The following ZNF423 variants were observed in gnomAD, a reference collection of about 807,000 sequenced individuals.
The protein encoded by ZNF423 is Ebf-associated zinc finger protein.
ZNF423 carries 12 observed loss-of-function variants against 95.8 expected under a neutral mutation model. The observed-to-expected ratio is 0.13, with a 90% confidence interval of 0.08 to 0.20. The LOEUF (loss-of-function observed/expected upper bound fraction) is 0.20, where lower values mean the gene tolerates loss of function less well. Among genes scored for constraint, ZNF423 ranks in the 10% least tolerant of loss-of-function variants. The pLI is 1.00. For missense variants in ZNF423, 1,316 were observed against 1,737.1 expected (o/e 0.76, Z 4.31); for synonymous variants, 749 against 711.9 (o/e 1.05, Z -0.83).
intron 5 of ZNF423, among the ~76,000 whole-genome samples, chr16:49,527,199 TG>T (rs1338644720): frequency 1.3e-5 from 2 of 152,030 alleles, no homozygotes; most frequent in African/African-American, 4.8e-5. Flanking sequence ...CAGGTGGGTC[TG>T]CCCCACATAG....
intron 3 of ZNF423, among the ~76,000 whole-genome samples, chr16:49,665,395 C>A (rs2030487365): frequency 6.6e-6 from 1 of 152,124 alleles, no homozygotes; most frequent in South Asian, 2.1e-4. Flanking sequence ...AACATTTGAT[C>A]CCCTGTGTTT....
intron 2 of ZNF423, among the ~76,000 whole-genome samples, chr16:49,733,000 C>T (rs925405973): frequency 6.6e-5 from 10 of 152,170 alleles, no homozygotes; most frequent in Non-Finnish European, 1.0e-4. Flanking sequence ...TATCAGAACG[C>T]GCCAACTCCT....
At chr16:49,708,339 T>C (rs1275210224) in intron 3 of ZNF423, 7 of 152,028 alleles carry the variant, frequency 4.6e-5, no homozygotes, top group Non-Finnish European at 8.8e-5. Context: ...TCTGCCCCCC[T>C]GGCTAGAGTG....
intron 1 of ZNF423, among the ~76,000 whole-genome samples, chr16:49,792,691 G>C (rs936792047): frequency 2.0e-5 from 3 of 152,192 alleles, no homozygotes; most frequent in African/African-American, 7.2e-5. Flanking sequence ...TTTGAAGGTA[G>C]AAGCACACCT....
chr16:49,516,467 T>G (rs1467477699), intron 7 of ZNF423, among the ~76,000 whole-genome samples: 1 of 152,166 alleles, frequency 6.6e-6, no homozygotes, highest in African/African-American at 2.4e-5. Flanking sequence ...GCAACTGAAC[T>G]CTTAAGTAGG....
At chr16:49,845,164 G>C (rs1049726099) in intron 1 of ZNF423, among the ~76,000 whole-genome samples, 2 of 151,822 alleles carry the variant, frequency 1.3e-5, no homozygotes, top group South Asian at 2.1e-4. Flanking sequence ...TTTTAAGATG[G>C]AGTCTTGCTC....
At chr16:49,705,957 C>T (rs560219175) in intron 3 of ZNF423, among the ~76,000 whole-genome samples, 21 of 152,230 alleles carry the variant, frequency 1.4e-4, no homozygotes, top group South Asian at 4.2e-4. Context: ...GGCACGTGGA[C>T]GACCATCTGT....
At chr16:49,745,300 T>A (rs888264731) in intron 2 of ZNF423, among the ~76,000 whole-genome samples, 2 of 152,240 alleles carry the variant, frequency 1.3e-5, no homozygotes, top group African/African-American at 4.8e-5. Context: ...AAAACACTTA[T>A]GTTACTAAAG....
In ZNF423 at chr16:49,523,174, C is replaced by T. The variant is rs914244350; in HGVS notation, c.3849+450G>A. The stretch of plus-strand genomic sequence containing the variant: ...CCTCTAAGCTGGGGCAATCGGGCAC[C>T]ACTACTCTTCTTTTCTGGCTTTTAT... On this transcript the variant is annotated intron_variant, in intron 7 of 7. Coordinates refer to ENST00000563137, the MANE Select transcript of ZNF423 (RefSeq NM_001379286.1). Among the ~76,000 whole-genome samples the T allele has an allele frequency of 2.6e-5, 4 of 152,186 alleles. No homozygotes were observed. In the East Asian group the frequency reaches 7.7e-4, roughly 29 times the overall value.
At chr16:49,769,327 C>G (rs2033988281) in intron 2 of ZNF423, among the ~76,000 whole-genome samples, 1 of 150,040 alleles carries the variant, frequency 6.7e-6, no homozygotes, top group South Asian at 2.1e-4. Flanking sequence ...TGCACTCCAG[C>G]CTGGGCAACA....
Position 49,565,936 on chromosome 16 carries a change from G to A in ZNF423, c.3602-40442C>T, listed in dbSNP as rs528763848. On this transcript the variant is annotated intron_variant, in intron 5 of 7. Coordinates refer to ENST00000563137, the MANE Select transcript of ZNF423 (RefSeq NM_001379286.1). ...GAAGGGAGGGGAGAGAAAGGGAGGG[G>A]AGGGGTGATAGGAACAAGGTGGGTG... Among the ~76,000 whole-genome samples the A allele has an allele frequency of 1.2e-4, 18 of 151,666 alleles. No homozygotes were observed. In the South Asian group the frequency reaches 3.8e-3, roughly 32 times the overall value.
intron 3 of ZNF423, among the ~76,000 whole-genome samples, chr16:49,647,772 C>G (rs1973234118): frequency 6.6e-6 from 1 of 152,226 alleles, no homozygotes; most frequent in Admixed American, 6.5e-5. Context: ...AGACTTCTGA[C>G]CTACAGAACT....
chr16:49,551,923 C>A (rs528847794), intron 5 of ZNF423, among the ~76,000 whole-genome samples: 1,882 of 152,344 alleles, frequency 0.012, 43 homozygotes, highest in African/African-American at 0.041. Flanking sequence ...TACCATCTTC[C>A]AACTCAAATC....
intron 3 of ZNF423, among the ~76,000 whole-genome samples, chr16:49,676,996 T>C (rs543349403): frequency 6.6e-6 from 1 of 151,620 alleles, no homozygotes; most frequent in Admixed American, 6.6e-5. Flanking sequence ...GGTGGGCGGA[T>C]CACCTGAGGT....
chr16:49,815,910 ATATATTTTT>A (rs2034845277), intron 1 of ZNF423, among the ~76,000 whole-genome samples: 4 of 40,540 alleles, frequency 9.9e-5, no homozygotes, highest in African/African-American at 3.1e-4. Context: ...ATATATATAT[ATATATTTTT>A]TTTTTTTTTT....
intron 3 of ZNF423, among the ~76,000 whole-genome samples, chr16:49,677,248 T>TAAGAGAAGAGAAGAG (rs1377639641): frequency 2.9e-5 from 2 of 68,618 alleles, no homozygotes; most frequent in African/African-American, 1.3e-4. Flanking sequence ...GAAGAGAAGA[T>TAAGAGAAGAGAAGAG]AAGAGAAGAG....
chr16:49,833,112 C>G (rs1240149119), intron 1 of ZNF423, among the ~76,000 whole-genome samples: 1 of 152,230 alleles, frequency 6.6e-6, no homozygotes, highest in African/African-American at 2.4e-5. Context: ...GGCCTGGCCC[C>G]TCATGGGACC....
chr16:49,739,984 G>A (rs565243861), intron 2 of ZNF423, among the ~76,000 whole-genome samples: 11 of 151,930 alleles, frequency 7.2e-5, no homozygotes, highest in African/African-American at 1.9e-4. Context: ...TCAGCCTCCC[G>A]AGTAGCTGGG....
intron 5 of ZNF423, among the ~76,000 whole-genome samples, chr16:49,534,862 G>A (rs1188524655): frequency 6.6e-6 from 1 of 152,094 alleles, no homozygotes; most frequent in Non-Finnish European, 1.5e-5. Context: ...GGCGAAACTC[G>A]TGTCCAGATT....
Sources: gnomAD v4.1 joint callset for allele counts (sites outside exome capture counted in the v4.1 genomes callset) on GRCh38, gnomAD v4.1.1 for gene constraint, MANE v1.5 for transcripts, NCBI Gene and HGNC (gene_info 2026-07-23, HGNC 2026-07-21) for gene names.